The following ZSWIM7 variants were observed in gnomAD, a reference collection of about 807,000 sequenced individuals.
ZSWIM7 encodes the protein zinc finger SWIM-type containing 7.
Under a neutral mutation model 21.1 loss-of-function variants are expected in ZSWIM7, and 22 were observed. The ratio of observed to expected loss-of-function variants is 1.04; its 90% CI spans 0.74 to 1.49. The LOEUF (loss-of-function observed/expected upper bound fraction) is 1.49, where lower values mean the gene tolerates loss of function less well. Ranked by LOEUF, ZSWIM7 falls within the 40% of genes most tolerant of loss-of-function variation. ZSWIM7 has a pLI of 0.00. For synonymous variants in ZSWIM7, 67 were observed against 66.5 expected (o/e 1.01, Z -0.04); for missense variants, 193 against 168.0 (o/e 1.15, Z -0.82).
rs1229524516 is a variant in ZSWIM7 at position 15,977,199 on chromosome 17, A to AGAT, written c.*845_*847dup. The AGAT allele has an allele frequency of 6.6e-6, 1 of 152,092 alleles. No individual in the cohort carries two copies. Among genetic ancestry groups the AGAT allele is most frequent in the East Asian group, 1.9e-4 (1 of 5,176 alleles). 9.4% of individuals were successfully genotyped at this position (152,092 alleles called of 1,614,324 possible). On this transcript the variant is annotated 3_prime_UTR_variant, in exon 5 of 5. Coordinates refer to ENST00000399277, the MANE Select transcript of ZSWIM7 (RefSeq NM_001042697.2). ...TAAGCTGTTTTGGCACAAGCATCAC[A>AGAT]GATATTTGAAGCTTACAGAAACCAG... is the stretch of plus-strand genomic sequence containing the variant.
At chr17:15,999,489 GC>G (rs1567574239) in intron 1 of ZSWIM7, 29 bp downstream of exon 1, 1 of 1,594,092 alleles carries the variant, frequency 6.3e-7, no homozygotes, top group Admixed American at 1.7e-5. Flanking sequence ...CGCGCCCATG[GC>G]GCAGCCACAC....
chr17:15,998,723 A>G (rs1970603141), intron 1 of ZSWIM7, among the ~76,000 whole-genome samples: 1 of 150,666 alleles, frequency 6.6e-6, no homozygotes, highest in African/African-American at 2.4e-5. Flanking sequence ...CAACGATTGC[A>G]TATGCATTTA....
rs903031971 is a variant in ZSWIM7, at chr17:15,977,440, A to T, written c.*607T>A. On this transcript the variant is annotated 3_prime_UTR_variant, in exon 5 of 5. Transcript: ENST00000399277. ...TAGGGTCAGGCGCAGTGGCTCATGC[A>T]TGTAATTCCAGCACTTTGGGAGGTC... The T allele has an allele frequency of 1.3e-5, 2 of 152,256 alleles. No individual in the cohort carries two copies. The highest frequency in any genetic ancestry group is 6.5e-5 in the Admixed American group (1 of 15,274). The allele number at this position is 152,256 out of a possible 1,614,324, so 9.4% of individuals were successfully genotyped here. A position where few individuals can be genotyped will look rare whatever the true frequency, so the allele number is the denominator to read the frequency against.
rs186212929 is a variant in ZSWIM7 at position 15,977,957 on chromosome 17, T to G, written c.*90A>C. 149 of 1,052,936 alleles carry G rather than the reference T, an allele frequency of 1.4e-4. 1 individual carries two copies. In the African/African-American group the frequency reaches 2.0e-3, roughly 14 times the overall value. 65.2% of individuals were successfully genotyped at this position (1,052,936 alleles called of 1,614,324 possible). On this transcript the variant is annotated 3_prime_UTR_variant, in exon 5 of 5. Coordinates refer to ENST00000399277, the MANE Select transcript of ZSWIM7 (RefSeq NM_001042697.2). ...GTAACATGAAGTGTCTGAAGATCCA[T>G]TTCACCTCTTTTCCATGTGAATCAT... is the stretch of plus-strand genomic sequence containing the variant.
At chr17:15,986,969 C>A in intron 3 of ZSWIM7, 1 of 180,470 alleles carries the variant, frequency 5.5e-6, no homozygotes. Context: ...GTGATCTCAC[C>A]ACAAAAAAAG....
chr17:15,995,827 A>C (rs917103770), intron 1 of ZSWIM7, among the ~76,000 whole-genome samples: 28 of 151,980 alleles, frequency 1.8e-4, no homozygotes, highest in Non-Finnish European at 7.4e-5. Flanking sequence ...ATGAATTTCT[A>C]GCTTGAAAGG....
At chr17:15,991,478 C>A (rs964756354) in intron 2 of ZSWIM7, among the ~76,000 whole-genome samples, 1 of 152,106 alleles carries the variant, frequency 6.6e-6, no homozygotes, top group South Asian at 2.1e-4. Context: ...TAAATGACCC[C>A]TTTCCCCATA....
intron 1 of ZSWIM7, among the ~76,000 whole-genome samples, chr17:15,997,797 G>C (rs1023380837): frequency 3.3e-5 from 5 of 152,058 alleles, no homozygotes; most frequent in African/African-American, 1.2e-4. Context: ...GAACCTTCTT[G>C]TTGGAGGGAA....
At chr17:15,995,575 T>TAAAAAAA (rs550832963) in intron 1 of ZSWIM7, among the ~76,000 whole-genome samples, 1 of 100,254 alleles carries the variant, frequency 1.0e-5, no homozygotes, top group Non-Finnish European at 2.0e-5. Context: ...CCCTGTCTCT[T>TAAAAAAA]AAAAAAAAAA....
chr17:15,990,380 G>A (rs1158858022), intron 2 of ZSWIM7, among the ~76,000 whole-genome samples: 1 of 151,786 alleles, frequency 6.6e-6, no homozygotes, highest in Non-Finnish European at 1.5e-5. Flanking sequence ...GAGTCTCACT[G>A]TGTTGCCCAG....
Position 15,977,752 on chromosome 17 carries a change from G to C in ZSWIM7, c.*295C>G, listed in dbSNP as rs1018892926. 4.0e-6 allele frequency: 1 copy of C among 247,888 alleles called. No individual in the cohort carries two copies. Among genetic ancestry groups the C allele is most frequent in the African/African-American group, 2.2e-5 (1 of 45,832 alleles). 15.4% of individuals were successfully genotyped at this position (247,888 alleles called of 1,614,324 possible). A position where few individuals can be genotyped will look rare whatever the true frequency, so the allele number is the denominator to read the frequency against. Reference sequence around the variant, plus strand: ...TAATGTGGACACAACATGATATTAGGCTTTATTTGAATTTAAAATCTTGAT... The same window carrying C: ...TAATGTGGACACAACATGATATTAGCCTTTATTTGAATTTAAAATCTTGAT... On this transcript the variant is annotated 3_prime_UTR_variant, in exon 5 of 5. Coordinates refer to ENST00000399277, the MANE Select transcript of ZSWIM7 (RefSeq NM_001042697.2).
chr17:15,977,641 T>C lies in ZSWIM7; in HGVS notation c.*406A>G, dbSNP rs539330795. On this transcript the variant is annotated 3_prime_UTR_variant, in exon 5 of 5. Coordinates refer to ENST00000399277, the MANE Select transcript of ZSWIM7 (RefSeq NM_001042697.2). ...ATGGCGTGAACCCGGGAGGCGGAGC[T>C]TGCAGTGAGCTGAGATCACGCCACT... 3.1e-3 allele frequency: 472 copies of C among 152,952 alleles called. 2 individuals are homozygous for C. Among genetic ancestry groups the C allele is most frequent in the African/African-American group, 0.011 (449 of 41,336 alleles). 9.5% of individuals were successfully genotyped at this position (152,952 alleles called of 1,614,324 possible).
Position 15,978,128 on chromosome 17 carries a change from A to G in ZSWIM7, c.342T>C (p.Val114=). ...CACTTAGCTGCTGACAGGTCCTCATAACCTGACTCAGGTAAACTGCCAAGA... is the reference window on the plus strand; with the variant it reads ...CACTTAGCTGCTGACAGGTCCTCATGACCTGACTCAGGTAAACTGCCAAGA... ...KHLLAVYLSQ[V]MRTCQQLSVS... The change falls in exon 5 of 5, where the codon GTT becomes GTC. Residue 114 remains valine (V), a synonymous_variant. Transcript: ENST00000399277. 6.2e-7 allele frequency: 1 copy of G among 1,614,136 alleles called. No individual in the cohort carries two copies. The highest frequency in any genetic ancestry group is 8.5e-7 in the Non-Finnish European group (1 of 1,180,004).
Position 15,987,297 on chromosome 17 carries a change from A to G in ZSWIM7, c.170T>C (p.Ile57Thr), listed in dbSNP as rs753734016. ...DLVDRQSITL[I>T]SSPSGRRVYQ... ...AACACGCCTTCCACTGGGTGATGAG[A>G]TTAAGGTGATGGACTGTCGATCAAC... The change falls in exon 3 of 5, where the codon ATC becomes ACC. Residue 57 changes from isoleucine to threonine, a missense_variant. By Grantham distance (89) the Ile-to-Thr change is moderately conservative (BLOSUM62 -1). Transcript: ENST00000399277. 2.5e-6 allele frequency: 4 copies of G among 1,613,732 alleles called. No homozygotes were observed. Among genetic ancestry groups the G allele is most frequent in the Non-Finnish European group, 3.4e-6 (4 of 1,179,818 alleles).
At chr17:15,989,125 TAATA>T (rs1358427950) in intron 2 of ZSWIM7, among the ~76,000 whole-genome samples, 11 of 152,318 alleles carry the variant, frequency 7.2e-5, no homozygotes, top group Admixed American at 4.6e-4. Context: ...CATCTGAAGA[TAATA>T]AATGTGTACT....
chr17:15,983,744 G>T (rs958739831), intron 3 of ZSWIM7, among the ~76,000 whole-genome samples: 119 of 152,104 alleles, frequency 7.8e-4, no homozygotes, highest in African/African-American at 2.8e-3. Context: ...GTGCCACCAT[G>T]CCTGGCTAAC....
At position 15,976,743 on chromosome 17, in the gene ZSWIM7, C is replaced by T. The variant is rs565263635; in HGVS notation, c.*1304G>A. ...GGGCTTTCTTAGGCTGTAAAATCAC[C>T]TATATCATCTGTCTGTCCACTGCTT... On this transcript the variant is annotated 3_prime_UTR_variant, in exon 5 of 5. Coordinates refer to ENST00000399277, the MANE Select transcript of ZSWIM7 (RefSeq NM_001042697.2). The T allele has an allele frequency of 6.6e-6, 1 of 152,300 alleles. No individual in the cohort carries two copies. Among genetic ancestry groups the T allele is most frequent in the East Asian group, 1.9e-4 (1 of 5,180 alleles). 9.4% of individuals were successfully genotyped at this position (152,300 alleles called of 1,614,324 possible). A position where few individuals can be genotyped will look rare whatever the true frequency, so the allele number is the denominator to read the frequency against.
At chr17:15,978,433 A>T (rs1970305722) in intron 4 of ZSWIM7, among the ~76,000 whole-genome samples, 1 of 152,160 alleles carries the variant, frequency 6.6e-6, no homozygotes, top group African/African-American at 2.4e-5. Flanking sequence ...CCCTGTCTCC[A>T]CTAAAAATAC....
intron 3 of ZSWIM7, among the ~76,000 whole-genome samples, chr17:15,985,276 C>A (rs1329368760): frequency 6.7e-6 from 1 of 149,200 alleles, no homozygotes; most frequent in African/African-American, 2.5e-5. Flanking sequence ...TGCACTCCAG[C>A]CTGGGCAACA....
Sources: gnomAD v4.1 joint callset for allele counts (sites outside exome capture counted in the v4.1 genomes callset) on GRCh38, gnomAD v4.1.1 for gene constraint, MANE v1.5 for transcripts, NCBI Gene and HGNC (gene_info 2026-07-23, HGNC 2026-07-21) for gene names.